The following ZDHHC3 variants were observed in gnomAD, a reference collection of about 807,000 sequenced individuals.
ZDHHC3 encodes zDHHC palmitoyltransferase 3.
In ZDHHC3, 9 loss-of-function variants were observed where a neutral mutation model predicts 30.6. The ratio of observed to expected loss-of-function variants is 0.29; its 90% CI spans 0.18 to 0.51. The LOEUF (loss-of-function observed/expected upper bound fraction) is 0.51, where lower values mean the gene tolerates loss of function less well. ZDHHC3 is among the 20% of genes least tolerant of loss of function. The pLI, the probability that ZDHHC3 is intolerant of heterozygous loss-of-function variation, is 0.97. For synonymous variants in ZDHHC3, 136 were observed against 140.2 expected (o/e 0.97, Z 0.21); for missense variants, 246 against 384.2 (o/e 0.64, Z 3.01).
intron 1 of ZDHHC3, among the ~76,000 whole-genome samples, chr3:44,961,093 A>C (rs1704436671): frequency 6.6e-6 from 1 of 152,226 alleles, no homozygotes; most frequent in Non-Finnish European, 1.5e-5. Flanking sequence ...TGACACATAG[A>C]GATAGAATAA....
intron 5 of ZDHHC3, among the ~76,000 whole-genome samples, chr3:44,930,741 T>C (rs184119194): frequency 6.6e-6 from 1 of 152,212 alleles, no homozygotes; most frequent in South Asian, 2.1e-4. Flanking sequence ...TGGGAACTTA[T>C]CGATGCCTCA....
chr3:44,974,012 G>T (rs927043977), intron 1 of ZDHHC3, among the ~76,000 whole-genome samples: 6 of 152,178 alleles, frequency 3.9e-5, no homozygotes, highest in African/African-American at 1.4e-4. Context: ...CACTAAAAAA[G>T]AACTCAGAAT....
In ZDHHC3 at chr3:44,918,237, G is replaced by GC; in HGVS notation, c.*8451_*8452insG. On this transcript the variant is annotated 3_prime_UTR_variant, in exon 7 of 7. Transcript: ENST00000424952. Reference sequence around the variant, plus strand: ...CCAGCTATAGCATAGCAGTGGCGGGGGGGGGGGCGGGGTGTCCACGGCATG... The same window carrying GC: ...CCAGCTATAGCATAGCAGTGGCGGGGCGGGGGGGCGGGGTGTCCACGGCATG... 8.3e-7 allele frequency: 1 copy of GC among 1,211,620 alleles called. No homozygotes were observed. The highest frequency in any genetic ancestry group is 1.1e-6 in the Non-Finnish European group (1 of 946,386). The allele number at this position is 1,211,620 out of a possible 1,614,324, so 75.1% of individuals were successfully genotyped here.
chr3:44,947,743 A>G (rs1703077175), intron 2 of ZDHHC3, among the ~76,000 whole-genome samples: 3 of 152,248 alleles, frequency 2.0e-5, no homozygotes, highest in Admixed American at 6.5e-5. Flanking sequence ...CTTCTACTCT[A>G]TAGCCAGGGC....
intron 1 of ZDHHC3, among the ~76,000 whole-genome samples, chr3:44,964,914 T>C (rs1013005760): frequency 6.6e-6 from 1 of 152,144 alleles, no homozygotes; most frequent in Non-Finnish European, 1.5e-5. Context: ...GTAATTATTA[T>C]TTTCACCTGA....
Position 44,922,305 on chromosome 3 carries a change from C to T in ZDHHC3, c.*4384G>A, listed in dbSNP as rs192485544. 12 of 985,418 alleles carry T rather than the reference C, an allele frequency of 1.2e-5. No individual in the cohort carries two copies. Among genetic ancestry groups the T allele is most frequent in the Admixed American group, 1.2e-4 (2 of 16,288 alleles). 61.0% of individuals were successfully genotyped at this position (985,418 alleles called of 1,614,324 possible). A position where few individuals can be genotyped will look rare whatever the true frequency, so the allele number is the denominator to read the frequency against. On this transcript the variant is annotated 3_prime_UTR_variant, in exon 7 of 7. Transcript: ENST00000424952. ...TGGCTCTAGACTACTCACCGGCCGC[C>T]GCTCCCATCTGGAGGTCCCTTGGTT...
In ZDHHC3 at chr3:44,921,812, G is replaced by A. The variant is rs1484453908; in HGVS notation, c.*4877C>T. 2 of 985,140 alleles carry A rather than the reference G, an allele frequency of 2.0e-6. No individual in the cohort carries two copies. The highest frequency in any genetic ancestry group is 1.2e-4 in the Admixed American group (2 of 16,270). 61.0% of individuals were successfully genotyped at this position (985,140 alleles called of 1,614,324 possible). On this transcript the variant is annotated 3_prime_UTR_variant, in exon 7 of 7. Transcript: ENST00000424952. ...GCAGACATTTCAACCAAAGACTGAA[G>A]CCAGGACCCAAATACTTGGTCACCA...
chr3:44,929,195 G>A, intron 6 of ZDHHC3, 111 bp downstream of exon 6: 3 of 1,391,998 alleles, frequency 2.2e-6, no homozygotes, highest in South Asian at 2.8e-5. Flanking sequence ...TGCACACCAG[G>A]GGCCTGACCA....
At chr3:44,927,271 A>G (rs1266564668) in intron 6 of ZDHHC3, among the ~76,000 whole-genome samples, 1 of 152,186 alleles carries the variant, frequency 6.6e-6, no homozygotes, top group East Asian at 1.9e-4. Flanking sequence ...GGAGCTCGCA[A>G]TCATCATAAC....
At chr3:44,949,965 A>AG (rs781452131) in intron 2 of ZDHHC3, among the ~76,000 whole-genome samples, 43 of 152,164 alleles carry the variant, frequency 2.8e-4, no homozygotes, top group Non-Finnish European at 4.1e-4. Context: ...CCGCCCAAGT[A>AG]GCTGGAACTA....
chr3:44,935,696 G>A (rs993393862), intron 3 of ZDHHC3, among the ~76,000 whole-genome samples: 1 of 152,162 alleles, frequency 6.6e-6, no homozygotes, highest in South Asian at 2.1e-4. Context: ...GCCAATGAGA[G>A]TTCCTGTCAA....
Position 44,923,442 on chromosome 3 carries a change from G to A in ZDHHC3, c.*3247C>T. On this transcript the variant is annotated 3_prime_UTR_variant, in exon 7 of 7. Transcript: ENST00000424952. ...CACCTAAACGGTTTCTGCATTAGGG[G>A]ACGGTGGATTCTAACTATTTAAGTG... 1 of 985,396 alleles carries A rather than the reference G, an allele frequency of 1.0e-6. No homozygotes were observed. The highest frequency in any genetic ancestry group is 1.2e-6 in the Non-Finnish European group (1 of 829,928). The allele number at this position is 985,396 out of a possible 1,614,324, so 61.0% of individuals were successfully genotyped here.
intron 2 of ZDHHC3, among the ~76,000 whole-genome samples, chr3:44,949,210 T>TA (rs1456550864): frequency 6.6e-6 from 1 of 152,190 alleles, no homozygotes; most frequent in African/African-American, 2.4e-5. Flanking sequence ...GACCACATGG[T>TA]ATCTACAATA....
At chr3:44,944,762 C>T (rs1020149304) in intron 3 of ZDHHC3, among the ~76,000 whole-genome samples, 7 of 152,188 alleles carry the variant, frequency 4.6e-5, no homozygotes, top group Non-Finnish European at 7.3e-5. Context: ...CAAGGACAAC[C>T]GCTTCATTTC....
At position 44,926,799 on chromosome 3, in the gene ZDHHC3, T is replaced by G. The variant is rs1243180000; in HGVS notation, c.790A>C (p.Lys264Gln). The G allele has an allele frequency of 1.2e-6, 2 of 1,613,496 alleles. No homozygotes were observed. Among genetic ancestry groups the G allele is most frequent in the East Asian group, 4.5e-5 (2 of 44,872 alleles). The change falls in exon 7 of 7, where the codon AAA becomes CAA. Residue 264 changes from lysine to glutamine, a missense_variant. Transcript: ENST00000424952. ...KEERRWAKKT[K>Q]WMNMKAVFGH... Reference sequence around the variant, plus strand: ...AAAACGGCTTTCATGTTCATCCATTTTGTTTTTTTAGCCCATCTTCTCTCT... The same window carrying G: ...AAAACGGCTTTCATGTTCATCCATTGTGTTTTTTTAGCCCATCTTCTCTCT...
rs1704851435 is a variant in ZDHHC3 at position 44,965,382 on chromosome 3, G to A, written c.-24-5922C>T. Among the ~76,000 whole-genome samples, 3 of 152,126 alleles carry A rather than the reference G, an allele frequency of 2.0e-5. No individual in the cohort carries two copies. In the South Asian group the frequency reaches 6.2e-4, roughly 32 times the overall value. On this transcript the variant is annotated intron_variant, in intron 1 of 6. Transcript: ENST00000424952. Reference sequence around the variant, plus strand: ...GACTGGGTTGCTGAGTCAGCCTTGGGGTATACCACTTATGCCTCAGTCCCC... The same window carrying A: ...GACTGGGTTGCTGAGTCAGCCTTGGAGTATACCACTTATGCCTCAGTCCCC...
intron 3 of ZDHHC3, among the ~76,000 whole-genome samples, chr3:44,936,080 A>C (rs1701938020): frequency 1.3e-5 from 2 of 152,254 alleles, no homozygotes; most frequent in Non-Finnish European, 2.9e-5. Flanking sequence ...GACAACCTAC[A>C]GAATGGGAGG....
Position 44,926,492 on chromosome 3 carries a change from C to G in ZDHHC3, c.*197G>C, listed in dbSNP as rs1700999971. On this transcript the variant is annotated 3_prime_UTR_variant, in exon 7 of 7. Transcript: ENST00000424952. Reference sequence around the variant, plus strand: ...AGCAGCTTCGGTCACCAAAAGAAATCGAAAGGATGGTTTTTAAAAAATAAA... The same window carrying G: ...AGCAGCTTCGGTCACCAAAAGAAATGGAAAGGATGGTTTTTAAAAAATAAA... The G allele has an allele frequency of 7.8e-7, 1 of 1,278,324 alleles. No homozygotes were observed. The highest frequency in any genetic ancestry group is 3.0e-5 in the South Asian group (1 of 33,738). The allele number at this position is 1,278,324 out of a possible 1,614,324, so 79.2% of individuals were successfully genotyped here. A position where few individuals can be genotyped will look rare whatever the true frequency, so the allele number is the denominator to read the frequency against.
At chr3:44,964,171 C>T (rs1019008132) in intron 1 of ZDHHC3, among the ~76,000 whole-genome samples, 1 of 152,334 alleles carries the variant, frequency 6.6e-6, no homozygotes, top group East Asian at 1.9e-4. Context: ...AATGCTAACA[C>T]ATAGGTGACT....
Sources: gnomAD v4.1 joint callset for allele counts (sites outside exome capture counted in the v4.1 genomes callset) on GRCh38, gnomAD v4.1.1 for gene constraint, MANE v1.5 for transcripts, NCBI Gene and HGNC (gene_info 2026-07-23, HGNC 2026-07-21) for gene names.